Variants in RIPOR2 observed in about 807,000 individuals in gnomAD.
RIPOR2 encodes RHO family interacting cell polarization regulator 2, also known as rho family-interacting cell polarization regulator 2.
Under a neutral mutation model 114.5 loss-of-function variants are expected in RIPOR2, and 39 were observed. That is an observed-to-expected ratio of 0.34 (90% CI 0.26 to 0.44). The LOEUF is 0.44. RIPOR2 is among the 20% of genes least tolerant of loss of function. The probability of loss-of-function intolerance (pLI) is 1.00; values close to 1 mark genes in which losing one functional copy is unlikely to be tolerated. For missense variants in RIPOR2, 1,007 were observed against 1,255.1 expected (o/e 0.80, Z 2.99); for synonymous variants, 445 against 484.4 (o/e 0.92, Z 1.07).
At chr6:24,957,485 A>G (rs1349896662) in intron 1 of RIPOR2, among the ~76,000 whole-genome samples, 1 of 152,196 alleles carries the variant, frequency 6.6e-6, no homozygotes, top group Non-Finnish European at 1.5e-5. Flanking sequence ...TAGGGGAAAT[A>G]TAGGGTTCTG....
intron 1 of RIPOR2, among the ~76,000 whole-genome samples, chr6:24,912,899 A>G (rs1017274016): frequency 8.5e-5 from 13 of 152,312 alleles, no homozygotes; most frequent in African/African-American, 2.2e-4. Flanking sequence ...CTTTATAGAT[A>G]TTATCCCACT....
At chr6:25,003,404 T>C (rs1051859691) in intron 1 of RIPOR2, among the ~76,000 whole-genome samples, 47 of 145,594 alleles carry the variant, frequency 3.2e-4, no homozygotes, top group African/African-American at 1.2e-3. Context: ...ATTATTATTA[T>C]TATTATTATT....
At chr6:25,031,910 TAATAA>T (rs917387787) in intron 1 of RIPOR2, among the ~76,000 whole-genome samples, 7 of 150,740 alleles carry the variant, frequency 4.6e-5, no homozygotes, top group Non-Finnish European at 7.4e-5. Context: ...AACGTATTAA[TAATAA>T]AATGTTGGAA....
At chr6:24,839,410 T>A in intron 13 of RIPOR2, 138 bp from the exon 14 acceptor site, 1 of 1,431,938 alleles carries the variant, frequency 7.0e-7, no homozygotes, top group Non-Finnish European at 9.2e-7. Flanking sequence ...AAAAATGCAT[T>A]TAAAAATCTT....
intron 13 of RIPOR2, chr6:24,839,774 A>G: frequency 7.1e-7 from 1 of 1,401,566 alleles, no homozygotes; most frequent in South Asian, 1.7e-5. Flanking sequence ...AATGCTGAAT[A>G]CTGACCAATC....
intron 19 of RIPOR2, among the ~76,000 whole-genome samples, chr6:24,822,644 G>A (rs913175560): frequency 7.9e-5 from 12 of 151,998 alleles, no homozygotes; most frequent in African/African-American, 2.4e-4. Context: ...TCAGCCTCCC[G>A]AGTAGCTGGG....
At position 24,825,296 on chromosome 6, in the gene RIPOR2, T is replaced by C. The variant is rs1318917979; in HGVS notation, c.2798A>G (p.Asp933Gly). The C allele has an allele frequency of 6.4e-7, 1 of 1,551,702 alleles. No homozygotes were observed. Among genetic ancestry groups the C allele is most frequent in the African/African-American group, 1.4e-5 (1 of 73,040 alleles). Residue 933 changes from aspartate to glycine, a missense_variant, in exon 19 of 22, where the codon GAC becomes GGC. Transcript: ENST00000643898. ...RTLALLLTRE[D>G]NEVSEAVTLY... ...CGTCACAGCCTCACTAACTTCGTTGTCCTCTCTGGTTAATAGCAGAGCCAG... is the reference window on the plus strand; with the variant it reads ...CGTCACAGCCTCACTAACTTCGTTGCCCTCTCTGGTTAATAGCAGAGCCAG...
chr6:24,923,241 T>C (rs1770635907), intron 1 of RIPOR2, among the ~76,000 whole-genome samples: 1 of 152,182 alleles, frequency 6.6e-6, no homozygotes, highest in Non-Finnish European at 1.5e-5. Flanking sequence ...TAATATTCCA[T>C]TGTGTGTATA....
At chr6:24,891,398 A>G (rs551999643) in intron 1 of RIPOR2, among the ~76,000 whole-genome samples, 1 of 152,336 alleles carries the variant, frequency 6.6e-6, no homozygotes, top group African/African-American at 2.4e-5. Flanking sequence ...ACGTGCAAAT[A>G]TCTAGATTAT....
At position 24,830,583 on chromosome 6, in the gene RIPOR2, T is replaced by C. The variant is rs761312425; in HGVS notation, c.2432A>G (p.Asp811Gly). 1.3e-6 allele frequency: 2 copies of C among 1,551,534 alleles called. 1 individual carries two copies. The highest frequency in any genetic ancestry group is 2.4e-5 in the South Asian group (2 of 84,050). The change falls in exon 17 of 22, where the codon GAC (aspartate) becomes GGC (glycine). Residue 811 changes from aspartate (D) to glycine (G), a missense_variant. Transcript: ENST00000643898. Reference sequence around the variant, plus strand: ...GGCCTCCAGCTGCTTCATCACTCTGTCCGCTGGGCTGTGGTAGACACCAAC... The same window carrying C: ...GGCCTCCAGCTGCTTCATCACTCTGCCCGCTGGGCTGTGGTAGACACCAAC... ...SPVGVYHSPA[D>G]RVMKQLEASF...
At chr6:24,836,500 A>G (rs1562236329) in intron 14 of RIPOR2, among the ~76,000 whole-genome samples, 1 of 152,242 alleles carries the variant, frequency 6.6e-6, no homozygotes, top group Non-Finnish European at 1.5e-5. Context: ...ATTTAAAAAA[A>G]TCTCTTGCAT....
At chr6:24,822,638 C>A (rs1003282855) in intron 19 of RIPOR2, among the ~76,000 whole-genome samples, 7 of 152,134 alleles carry the variant, frequency 4.6e-5, no homozygotes, top group African/African-American at 1.7e-4. Flanking sequence ...CCTGCCTCAG[C>A]CTCCCGAGTA....
chr6:24,915,300 G>A lies in RIPOR2; in HGVS notation c.61+20538C>T, dbSNP rs191391507. Among the ~76,000 whole-genome samples the A allele has an allele frequency of 1.8e-3, 275 of 150,748 alleles. 1 individual carries two copies. The highest frequency in any genetic ancestry group is 3.0e-3 in the Non-Finnish European group (200 of 67,786). Reference sequence around the variant, plus strand: ...ATCTTTTGGCCTCCACATTGCTCACGTCTATTGAATTCTTCATTTGCTGCT... The same window carrying A: ...ATCTTTTGGCCTCCACATTGCTCACATCTATTGAATTCTTCATTTGCTGCT... On this transcript the variant is annotated intron_variant, in intron 1 of 21. Coordinates refer to ENST00000643898, the MANE Select transcript of RIPOR2 (RefSeq NM_001286445.3).
intron 1 of RIPOR2, among the ~76,000 whole-genome samples, chr6:24,889,898 T>A (rs1284907222): frequency 6.6e-6 from 1 of 152,124 alleles, no homozygotes; most frequent in Non-Finnish European, 1.5e-5. Flanking sequence ...TTTTATTTTA[T>A]TTTATTTTTT....
chr6:24,945,292 A>G (rs940326478), intron 1 of RIPOR2, among the ~76,000 whole-genome samples: 1 of 152,192 alleles, frequency 6.6e-6, no homozygotes, highest in Non-Finnish European at 1.5e-5. Flanking sequence ...AGGAGAAATA[A>G]ATATATTTCC....
At chr6:24,996,356 A>C (rs1775046464) in intron 1 of RIPOR2, among the ~76,000 whole-genome samples, 1 of 152,218 alleles carries the variant, frequency 6.6e-6, no homozygotes, top group African/African-American at 2.4e-5. Flanking sequence ...GGGTTATTGC[A>C]CAACAGGAGT....
At chr6:25,025,162 C>G (rs1467850759) in intron 1 of RIPOR2, among the ~76,000 whole-genome samples, 3 of 152,188 alleles carry the variant, frequency 2.0e-5, no homozygotes, top group Non-Finnish European at 4.4e-5. Flanking sequence ...GAAGCCCTCT[C>G]TGTCTCACGC....
chr6:24,846,295 A>G (rs1365458421), intron 12 of RIPOR2, among the ~76,000 whole-genome samples: 1 of 118,742 alleles, frequency 8.4e-6, no homozygotes, highest in South Asian at 2.8e-4. Flanking sequence ...GGTCCTTTTC[A>G]CCTGCCTTTT....
At chr6:24,939,599 A>G (rs592701), upstream of RIPOR2, among the ~76,000 whole-genome samples, 31,897 of 152,208 alleles carry the variant, frequency 0.21, 3,600 homozygotes, top group East Asian at 0.45. Flanking sequence ...ACACATTCTG[A>G]TCCCCTTCGA....
Sources: gnomAD v4.1 joint callset for allele counts (sites outside exome capture counted in the v4.1 genomes callset) on GRCh38, gnomAD v4.1.1 for gene constraint, MANE v1.5 for transcripts, NCBI Gene and HGNC (gene_info 2026-07-23, HGNC 2026-07-21) for gene names.